Variants in RIMS2 observed in about 807,000 individuals in gnomAD.
RIMS2 encodes regulating synaptic membrane exocytosis 2.
A neutral mutation model predicts 174.4 loss-of-function variants in RIMS2; 59 were observed. The observed-to-expected ratio is 0.34, with a 90% CI of 0.27 to 0.42. RIMS2 has a LOEUF of 0.42. RIMS2 is among the 10% of genes least tolerant of loss of function. RIMS2 has a pLI of 1.00. For missense variants in RIMS2, 1,620 were observed against 1,666.3 expected, an observed-to-expected ratio of 0.97 and a Z score of 0.48; for synonymous variants, 606 against 572.5, an observed-to-expected ratio of 1.06 and a Z score of -0.84.
At chr8:103,916,325 G>A (rs1437626721) in intron 7 of RIMS2, 89 bp from the exon 11 acceptor site, 1 of 873,408 alleles carries the variant, frequency 1.1e-6, no homozygotes, top group Admixed American at 2.4e-5. Context: ...TTTATCCTAT[G>A]GAGTTTATTG....
chr8:103,787,789 C>G (rs2098457704), intron 3 of RIMS2, among the ~76,000 whole-genome samples: 1 of 152,088 alleles, frequency 6.6e-6, no homozygotes, highest in Non-Finnish European at 1.5e-5. Flanking sequence ...GTGGCGTTCT[C>G]TGTATTTCCT....
intron 19 of RIMS2, among the ~76,000 whole-genome samples, chr8:104,066,164 G>T (rs1198753823): frequency 1.3e-5 from 2 of 152,152 alleles, no homozygotes; most frequent in East Asian, 1.9e-4. Flanking sequence ...AGTTGTGGCA[G>T]AGTAACAGTT....
At chr8:103,944,192 G>A (rs2083187198) in intron 14 of RIMS2, among the ~76,000 whole-genome samples, 1 of 151,992 alleles carries the variant, frequency 6.6e-6, no homozygotes, top group African/African-American at 2.4e-5. Context: ...CAGTGTCAAT[G>A]TCTTTCAGCC....
chr8:104,117,402 TA>T (rs1272949982), intron 19 of RIMS2, among the ~76,000 whole-genome samples: 1 of 151,884 alleles, frequency 6.6e-6, no homozygotes, highest in African/African-American at 2.4e-5. Flanking sequence ...TTTTTTTTTT[TA>T]ATAGAAGCAA....
chr8:104,162,412 G>A (rs536517752), intron 19 of RIMS2, among the ~76,000 whole-genome samples: 5 of 151,954 alleles, frequency 3.3e-5, no homozygotes, highest in Non-Finnish European at 7.4e-5. Flanking sequence ...AATGTAATTA[G>A]CAATAGCATG....
chr8:103,938,406 G>A (rs749061562), intron 13 of RIMS2, among the ~76,000 whole-genome samples: 31 of 152,002 alleles, frequency 2.0e-4, no homozygotes, highest in African/African-American at 3.9e-4. Flanking sequence ...ATCAGATCTC[G>A]TGAGATTTAT....
intron 1 of RIMS2, among the ~76,000 whole-genome samples, chr8:103,692,800 G>T (rs1382670092): frequency 6.6e-6 from 1 of 152,146 alleles, no homozygotes; most frequent in Non-Finnish European, 1.5e-5. Flanking sequence ...TCCAAGTGAG[G>T]GATACAGTCT....
At chr8:103,552,056 C>T (rs1229803702) in intron 1 of RIMS2, among the ~76,000 whole-genome samples, 1 of 152,128 alleles carries the variant, frequency 6.6e-6, no homozygotes, top group Admixed American at 6.5e-5. Context: ...AGTGGTATCC[C>T]CATCAAGCTA....
At chr8:103,842,415 G>C (rs781130546) in intron 3 of RIMS2, among the ~76,000 whole-genome samples, 1 of 152,028 alleles carries the variant, frequency 6.6e-6, no homozygotes, top group Non-Finnish European at 1.5e-5. Flanking sequence ...ATGTGGCAAT[G>C]AATTTTATGA....
intron 3 of RIMS2, among the ~76,000 whole-genome samples, chr8:103,860,004 T>C (rs1007896629): frequency 2.0e-5 from 3 of 152,004 alleles, no homozygotes; most frequent in Non-Finnish European, 4.4e-5. Context: ...GAGGAAAATA[T>C]CATGTCACAA....
intron 19 of RIMS2, among the ~76,000 whole-genome samples, chr8:104,053,613 A>G (rs957351751): frequency 1.3e-5 from 2 of 152,328 alleles, no homozygotes; most frequent in Non-Finnish European, 2.9e-5. Context: ...GGATAATTAA[A>G]TCACTTAGTA....
intron 3 of RIMS2, among the ~76,000 whole-genome samples, chr8:103,878,481 T>C (rs2099152167): frequency 1.3e-5 from 2 of 151,896 alleles, no homozygotes; most frequent in African/African-American, 4.8e-5. Context: ...CTAGTATTTG[T>C]TGAGGATTTT....
intron 9 of RIMS2, chr8:103,920,943 G>A (rs770183609): frequency 3.6e-5 from 11 of 303,668 alleles, no homozygotes; most frequent in Non-Finnish European, 6.4e-5. Flanking sequence ...AGCTTGCAGT[G>A]AGCCGAGATC....
intron 1 of RIMS2, among the ~76,000 whole-genome samples, chr8:103,566,647 A>G (rs1004653092): frequency 6.6e-6 from 1 of 152,188 alleles, no homozygotes; most frequent in African/African-American, 2.4e-5. Flanking sequence ...TTTCCTAGCC[A>G]TCTATTTTAG....
intron 1 of RIMS2, among the ~76,000 whole-genome samples, chr8:103,518,513 A>G (rs548742315): frequency 1.6e-4 from 25 of 152,188 alleles, no homozygotes; most frequent in African/African-American, 5.1e-4. Context: ...GCAGGTATCT[A>G]TATATCTACA....
intron 20 of RIMS2, among the ~76,000 whole-genome samples, chr8:104,248,333 A>G (rs2099346655): frequency 6.6e-6 from 1 of 152,196 alleles, no homozygotes; most frequent in Non-Finnish European, 1.5e-5. Context: ...AAATAGGAGA[A>G]ATAATAGAAT....
intron 19 of RIMS2, among the ~76,000 whole-genome samples, chr8:104,056,930 A>C (rs2154559638): frequency 6.6e-6 from 1 of 152,192 alleles, no homozygotes; most frequent in South Asian, 2.1e-4. Flanking sequence ...TATCCTAAAT[A>C]TACCCATTCC....
At chr8:103,829,272 AAT>A (rs2098811138) in intron 3 of RIMS2, among the ~76,000 whole-genome samples, 1 of 152,134 alleles carries the variant, frequency 6.6e-6, no homozygotes, top group South Asian at 2.1e-4. Context: ...AAGAAAAGAG[AAT>A]GTTTATACAC....
At chr8:104,147,292 TG>T (rs1451434232) in intron 19 of RIMS2, among the ~76,000 whole-genome samples, 7 of 152,102 alleles carry the variant, frequency 4.6e-5, no homozygotes. Context: ...TTTCTGACTA[TG>T]TATGCCACAT....
Sources: allele counts gnomAD v4.1 joint callset (sites outside exome capture counted in the v4.1 genomes callset), GRCh38; gene constraint gnomAD v4.1.1; transcripts MANE v1.5; gene names NCBI Gene and HGNC (gene_info 2026-07-23, HGNC 2026-07-21).